STPG4: variants seen among roughly 807,000 people sequenced by gnomAD.
STPG4 encodes sperm-tail PG-rich repeat containing 4.
In STPG4, 41 loss-of-function variants were observed where a neutral mutation model predicts 31.5. The ratio of observed to expected loss-of-function variants is 1.30; its 90% CI spans 1.01 to 1.69. The LOEUF (loss-of-function observed/expected upper bound fraction) is 1.69. STPG4 is among the 40% of genes most tolerant of loss of function. The pLI, the probability that STPG4 is intolerant of heterozygous loss-of-function variation, is 0.00. For missense variants in STPG4, 375 were observed against 293.4 expected (o/e 1.28, Z -2.03); for synonymous variants, 141 against 103.0 (o/e 1.37, Z -2.24).
chr2:47,141,498 C>T (rs560008901), intron 3 of STPG4, among the ~76,000 whole-genome samples: 19 of 151,448 alleles, frequency 1.3e-4, no homozygotes, highest in African/African-American at 3.9e-4. Flanking sequence ...ACACTCTTGA[C>T]ATATTTTAAG....
At chr2:47,152,679 G>A (rs1686961061) in intron 2 of STPG4, among the ~76,000 whole-genome samples, 1 of 152,122 alleles carries the variant, frequency 6.6e-6, no homozygotes. Flanking sequence ...ATCTCACCCA[G>A]ATCATAAGAG....
chr2:47,116,783 G>C (rs1486020868), intron 5 of STPG4, among the ~76,000 whole-genome samples: 1 of 152,184 alleles, frequency 6.6e-6, no homozygotes, highest in Non-Finnish European at 1.5e-5. Context: ...GCATTTAGAA[G>C]AGGACATGTG....
chr2:47,147,984 C>G (rs1030319483), intron 3 of STPG4, among the ~76,000 whole-genome samples: 58 of 146,838 alleles, frequency 3.9e-4, no homozygotes, highest in African/African-American at 1.4e-3. Context: ...CCGGGTCTTG[C>G]TCTGTCGCCC....
chr2:47,136,831 A>G (rs1244710978), intron 3 of STPG4, among the ~76,000 whole-genome samples: 1 of 152,226 alleles, frequency 6.6e-6, no homozygotes, highest in African/African-American at 2.4e-5. Context: ...CGACTTTTGT[A>G]TATTAACCTT....
At chr2:47,153,615 C>T (rs1686976854) in intron 1 of STPG4, among the ~76,000 whole-genome samples, 2 of 152,250 alleles carry the variant, frequency 1.3e-5, no homozygotes, top group South Asian at 2.1e-4. Flanking sequence ...ATTAGCTGGG[C>T]ATGGTGGCAC....
chr2:47,117,969 C>T (rs1458244753), intron 5 of STPG4, among the ~76,000 whole-genome samples: 1 of 151,528 alleles, frequency 6.6e-6, no homozygotes, highest in Non-Finnish European at 1.5e-5. Context: ...CTCTGTTGCC[C>T]AGGCTGGTCT....
At chr2:47,099,564 G>A (rs966781306) in intron 5 of STPG4, among the ~76,000 whole-genome samples, 16 of 152,384 alleles carry the variant, frequency 1.0e-4, no homozygotes, top group East Asian at 7.7e-4. Context: ...AGGTGACAGC[G>A]TGCTGGCAGT....
chr2:47,114,646 C>T (rs1686108635), intron 5 of STPG4, among the ~76,000 whole-genome samples: 1 of 152,186 alleles, frequency 6.6e-6, no homozygotes, highest in Non-Finnish European at 1.5e-5. Context: ...ACAAATTATC[C>T]AATGAACTGA....
intron 5 of STPG4, among the ~76,000 whole-genome samples, chr2:47,118,989 T>G (rs1371938815): frequency 6.6e-6 from 1 of 152,258 alleles, no homozygotes; most frequent in African/African-American, 2.4e-5. Context: ...AAATGAGTTT[T>G]CGTATAAAAG....
chr2:47,126,801 A>C (rs528516596), intron 5 of STPG4, among the ~76,000 whole-genome samples: 55 of 152,178 alleles, frequency 3.6e-4, no homozygotes, highest in African/African-American at 1.3e-3. Flanking sequence ...TTCCAGGATA[A>C]GTTTTTTTCT....
At chr2:47,093,237 G>A (rs1477537861) in intron 5 of STPG4, among the ~76,000 whole-genome samples, 1 of 152,168 alleles carries the variant, frequency 6.6e-6, no homozygotes, top group East Asian at 1.9e-4. Context: ...AGGGATAGAT[G>A]CCCCTCATCA....
intron 5 of STPG4, among the ~76,000 whole-genome samples, chr2:47,111,434 T>C (rs1225112907): frequency 6.6e-6 from 1 of 152,220 alleles, no homozygotes; most frequent in Admixed American, 6.5e-5. Flanking sequence ...AGGTCACTTA[T>C]GAAAGCAATA....
chr2:47,141,050 C>T lies in STPG4; in HGVS notation c.399+10208G>A, dbSNP rs966225529. On this transcript the variant is annotated intron_variant, in intron 3 of 6. Transcript: ENST00000445927. ...TACAGGTGTGTACCACCACGGCCAG[C>T]TAATTTCTGTATTTTTAGTAGAGAT... 2.6e-5 allele frequency among the ~76,000 whole-genome samples: 4 copies of T among 152,068 alleles called. 1 individual carries two copies. In the East Asian group the frequency reaches 5.8e-4, roughly 22 times the overall value.
intron 5 of STPG4, among the ~76,000 whole-genome samples, chr2:47,091,226 A>G (rs2103723837): frequency 6.6e-6 from 1 of 152,306 alleles, no homozygotes; most frequent in Non-Finnish European, 1.5e-5. Context: ...AACAAGCACA[A>G]GCACTCCTTA....
intron 5 of STPG4, among the ~76,000 whole-genome samples, chr2:47,101,897 C>T (rs114763897): frequency 0.055 from 8,352 of 151,830 alleles, 424 homozygotes; most frequent in African/African-American, 0.11. Context: ...AAAGTCCCAA[C>T]ACTAACAGGA....
At chr2:47,110,080 T>C (rs1686005726) in intron 5 of STPG4, among the ~76,000 whole-genome samples, 1 of 152,134 alleles carries the variant, frequency 6.6e-6, no homozygotes, top group Non-Finnish European at 1.5e-5. Flanking sequence ...TCAGGAAAGA[T>C]GTGTGTGTCT....
At chr2:47,098,314 A>T (rs772249270) in intron 5 of STPG4, among the ~76,000 whole-genome samples, 19 of 152,142 alleles carry the variant, frequency 1.2e-4, no homozygotes, top group Middle Eastern at 6.3e-3. Flanking sequence ...GCATTCTTTC[A>T]TACACCTACT....
Position 47,155,272 on chromosome 2 carries a change from G to C in STPG4, c.-21C>G. The C allele has an allele frequency of 1.2e-6, 2 of 1,613,486 alleles. No homozygotes were observed. The highest frequency in any genetic ancestry group is 1.7e-6 in the Non-Finnish European group (2 of 1,179,470). ...TCCATGGTGGCCTCCTCTCTCTCTA[G>C]GCTGAACCTGAGCTCCGGTTGCTAG... is the stretch of plus-strand genomic sequence containing the variant. On this transcript the variant is annotated 5_prime_UTR_variant, in exon 1 of 7. Transcript: ENST00000445927.
chr2:47,125,930 A>G (rs1686357903), intron 5 of STPG4, among the ~76,000 whole-genome samples: 1 of 152,130 alleles, frequency 6.6e-6, no homozygotes, highest in African/African-American at 2.4e-5. Flanking sequence ...AGTTTCATTC[A>G]TCTTCATATG....
Sources: allele counts gnomAD v4.1 joint callset (sites outside exome capture counted in the v4.1 genomes callset), GRCh38; gene constraint gnomAD v4.1.1; transcripts MANE v1.5; gene names NCBI Gene and HGNC (gene_info 2026-07-23, HGNC 2026-07-21).